Variants in SDK1 observed in about 807,000 individuals in gnomAD.
SDK1 encodes protein sidekick-1.
A neutral mutation model predicts 245.5 loss-of-function variants in SDK1; 157 were observed. The ratio of observed to expected loss-of-function variants is 0.64; its 90% CI spans 0.56 to 0.73. The LOEUF (loss-of-function observed/expected upper bound fraction) is 0.73, where lower values mean the gene tolerates loss of function less well. Ranked by LOEUF, SDK1 falls within the 30% of genes least tolerant of loss-of-function variation. The pLI, the probability that SDK1 is intolerant of heterozygous loss-of-function variation, is 0.00. For missense variants in SDK1, 3,583 were observed against 3,002.3 expected (o/e 1.19, Z -4.52); for synonymous variants, 1,647 against 1,278.5 (o/e 1.29, Z -6.15).
chr7:4,208,156 C>T lies in SDK1; in HGVS notation c.5272C>T (p.Leu1758Phe), dbSNP rs1034988342. ...AACGGAGAAAATGAAGGTCCTCTTC[C>T]TCCCCGAGCCCGTGGTGAGGCTGAA... Reference protein sequence around the residue: ...NETEKMKVLFLPEPVVRLKNL... With the variant: ...NETEKMKVLFFPEPVVRLKNL... The change falls in exon 37 of 45, where the codon CTC becomes TTC. Residue 1758 changes from leucine (L) to phenylalanine (F), a missense_variant. Coordinates refer to ENST00000404826, the MANE Select transcript of SDK1 (RefSeq NM_152744.4). 9 of 1,613,964 alleles carry T rather than the reference C, an allele frequency of 5.6e-6. No homozygotes were observed. The African/African-American group carries it at 9.3e-5, about 17-fold the overall frequency.
chr7:4,039,430 C>T (rs1291043024), intron 17 of SDK1, among the ~76,000 whole-genome samples: 1 of 152,044 alleles, frequency 6.6e-6, no homozygotes, highest in African/African-American at 2.4e-5. Context: ...ATAAAGTGGC[C>T]TGTAGGCCTT....
At chr7:3,773,331 C>T (rs1271135965) in intron 4 of SDK1, among the ~76,000 whole-genome samples, 1 of 152,028 alleles carries the variant, frequency 6.6e-6, no homozygotes, top group Non-Finnish European at 1.5e-5. Flanking sequence ...TTTTGAATCC[C>T]TCTAGTAAAT....
intron 20 of SDK1, among the ~76,000 whole-genome samples, chr7:4,075,780 G>C (rs1255048703): frequency 6.6e-6 from 1 of 151,782 alleles, no homozygotes; most frequent in African/African-American, 2.4e-5. Context: ...TCAGCCTTCC[G>C]AGTAGCTAGG....
At chr7:4,124,255 T>G (rs1260801343) in intron 25 of SDK1, among the ~76,000 whole-genome samples, 4 of 152,242 alleles carry the variant, frequency 2.6e-5, no homozygotes, top group Non-Finnish European at 4.4e-5. Context: ...GTGGCTTAAA[T>G]GACAGAAATG....
chr7:3,683,392 C>G (rs1227342763), intron 4 of SDK1, among the ~76,000 whole-genome samples: 1 of 152,070 alleles, frequency 6.6e-6, no homozygotes, highest in African/African-American at 2.4e-5. Flanking sequence ...AGGAAGCAGA[C>G]AGGGAGATTT....
At chr7:3,538,442 T>G (rs1778958127) in intron 1 of SDK1, among the ~76,000 whole-genome samples, 1 of 152,194 alleles carries the variant, frequency 6.6e-6, no homozygotes, top group Admixed American at 6.5e-5. Context: ...CTCTTCACTC[T>G]GAGGCAAGTT....
chr7:3,959,660 C>T (rs539803368), intron 8 of SDK1, among the ~76,000 whole-genome samples: 4 of 152,352 alleles, frequency 2.6e-5, no homozygotes, highest in African/African-American at 9.6e-5. Context: ...TTAGTGAGAA[C>T]AGGCAGTCTT....
chr7:3,997,845 C>G (rs1304927491), intron 14 of SDK1, among the ~76,000 whole-genome samples: 1 of 152,182 alleles, frequency 6.6e-6, no homozygotes, highest in Non-Finnish European at 1.5e-5. Flanking sequence ...GTCTGTCTGC[C>G]TCCTGCTGCC....
chr7:3,311,942 G>T (rs988656053), intron 1 of SDK1, among the ~76,000 whole-genome samples: 1 of 152,192 alleles, frequency 6.6e-6, no homozygotes, highest in Non-Finnish European at 1.5e-5. Context: ...GGAGTAGGAG[G>T]CATGGCCTTG....
At chr7:3,751,721 G>A (rs1383860256) in intron 4 of SDK1, among the ~76,000 whole-genome samples, 1 of 152,164 alleles carries the variant, frequency 6.6e-6, no homozygotes, top group Non-Finnish European at 1.5e-5. Flanking sequence ...TGCGGAAGGG[G>A]GTTCCAGTCA....
intron 7 of SDK1, chr7:3,952,175 A>T: frequency 2.0e-6 from 1 of 497,474 alleles, no homozygotes; most frequent in Non-Finnish European, 3.5e-6. Context: ...AGCTCGGGAA[A>T]TAGAGCGGTG....
chr7:3,738,200 G>T (rs1439586777), intron 4 of SDK1, among the ~76,000 whole-genome samples: 1 of 152,130 alleles, frequency 6.6e-6, no homozygotes, highest in Non-Finnish European at 1.5e-5. Flanking sequence ...TTAAATCTTT[G>T]TTCTGTTTTG....
At chr7:3,485,683 G>GTTTTTTTTTTTTGTT (rs1781666507) in intron 1 of SDK1, among the ~76,000 whole-genome samples, 1 of 38,180 alleles carries the variant, frequency 2.6e-5, no homozygotes, top group African/African-American at 1.1e-4. Context: ...TCTTTGGAGG[G>GTTTTTTTTTTTTGTT]TTTTTTTTTT....
chr7:3,906,001 G>A (rs1778901295), intron 5 of SDK1, among the ~76,000 whole-genome samples: 3 of 151,890 alleles, frequency 2.0e-5, no homozygotes, highest in Admixed American at 6.6e-5. Flanking sequence ...CTAGAACTCC[G>A]ATTTAAGCAT....
intron 11 of SDK1, among the ~76,000 whole-genome samples, chr7:3,970,798 G>A (rs1782433403): frequency 6.6e-6 from 1 of 152,172 alleles, no homozygotes; most frequent in African/African-American, 2.4e-5. Flanking sequence ...TGTTTTTCTG[G>A]ACTCACCATT....
In SDK1 at chr7:3,453,758, T is replaced by G. The variant is rs1780591436; in HGVS notation, c.298+151874T>G. On this transcript the variant is annotated intron_variant, in intron 1 of 44. Transcript: ENST00000404826. ...ATGTCTGGCTAATTTTTTTTTTACT[T>G]TTCATAGAAACAGGGTCTTGCTATA... Among the ~76,000 whole-genome samples the G allele has an allele frequency of 2.0e-5, 3 of 152,274 alleles. No homozygotes were observed. In the Middle Eastern group the frequency reaches 0.01, roughly 518 times the overall value.
intron 4 of SDK1, among the ~76,000 whole-genome samples, chr7:3,718,542 A>G (rs1305200410): frequency 3.1e-5 from 1 of 32,408 alleles, no homozygotes; most frequent in African/African-American, 1.4e-4. Flanking sequence ...TAAATAAATA[A>G]ATAAATAAAT....
At chr7:3,339,043 A>G (rs569864164) in intron 1 of SDK1, among the ~76,000 whole-genome samples, 1 of 152,340 alleles carries the variant, frequency 6.6e-6, no homozygotes, top group East Asian at 1.9e-4. Context: ...AAAACATCCA[A>G]AACTGTGTTG....
Position 3,871,172 on chromosome 7 carries a change from T to G in SDK1, c.847+49589T>G, listed in dbSNP as rs148901334. ...TGACTTTTTTTTTTTTTGGTGCTAG[T>G]GTAAATGGTAGTTTTGGGTTTTTTA... is the stretch of plus-strand genomic sequence containing the variant. On this transcript the variant is annotated intron_variant, in intron 5 of 44. Transcript: ENST00000404826. Among the ~76,000 whole-genome samples, 680 of 152,122 alleles carry G rather than the reference T, an allele frequency of 4.5e-3. 8 individuals are homozygous for G. Among genetic ancestry groups the G allele is most frequent in the African/African-American group, 0.015 (640 of 41,466 alleles).
Sources: gnomAD v4.1 joint callset for allele counts (sites outside exome capture counted in the v4.1 genomes callset) on GRCh38, gnomAD v4.1.1 for gene constraint, MANE v1.5 for transcripts, NCBI Gene and HGNC (gene_info 2026-07-23, HGNC 2026-07-21) for gene names.